GPBP1L1: variants seen among roughly 807,000 people sequenced by gnomAD.
The protein encoded by GPBP1L1 is GC-rich promoter binding protein 1 like 1.
Under a neutral mutation model 52.5 loss-of-function variants are expected in GPBP1L1, and 23 were observed. The ratio of observed to expected loss-of-function variants is 0.44; its 90% confidence interval spans 0.32 to 0.62. The LOEUF is 0.62. GPBP1L1 is among the 20% of genes least tolerant of loss of function. The probability of loss-of-function intolerance (pLI) is 0.06; values close to 1 mark genes in which losing one functional copy is unlikely to be tolerated. For synonymous variants in GPBP1L1, 243 were observed against 203.1 expected, an observed-to-expected ratio of 1.20 and a Z score of -1.67; for missense variants, 596 against 579.3, an observed-to-expected ratio of 1.03 and a Z score of -0.30.
At chr1:45,672,589 A>C (rs1389467664) in intron 2 of GPBP1L1, among the ~76,000 whole-genome samples, 3 of 152,212 alleles carry the variant, frequency 2.0e-5, no homozygotes, top group Non-Finnish European at 4.4e-5. Context: ...TGTTAAGTAG[A>C]TAGCTGGATA....
chr1:45,655,281 T>G lies in GPBP1L1; in HGVS notation c.99A>C (p.Leu33=). ...TATFEKHGEH[L]PRGEGRFGVS... ...CTCCAAATCTACCTTCTCCTCTGGG[T>G]AGGTGCTCTCCGTGTTTTTCGAAGG... The change falls in exon 5 of 13, where the codon CTA becomes CTC. Residue 33 remains leucine (L), a synonymous_variant. Transcript: ENST00000355105. The G allele has an allele frequency of 6.2e-7, 1 of 1,613,948 alleles. No homozygotes were observed. Among genetic ancestry groups the G allele is most frequent in the South Asian group, 1.1e-5 (1 of 91,080 alleles).
chr1:45,665,904 C>CCT (rs1231226135), intron 2 of GPBP1L1, among the ~76,000 whole-genome samples: 1 of 152,014 alleles, frequency 6.6e-6, no homozygotes, highest in African/African-American at 2.4e-5. Context: ...TCTGCCTCAG[C>CCT]CTCTCCTACT....
intron 2 of GPBP1L1, among the ~76,000 whole-genome samples, chr1:45,672,105 G>A (rs1645080501): frequency 6.6e-6 from 1 of 152,170 alleles, no homozygotes; most frequent in South Asian, 2.1e-4. Context: ...GCTCATGCCT[G>A]TAATCCCAGC....
intron 2 of GPBP1L1, among the ~76,000 whole-genome samples, chr1:45,666,381 GGT>G (rs1175931085): frequency 5.3e-5 from 8 of 152,022 alleles, no homozygotes; most frequent in Non-Finnish European, 1.2e-4. Flanking sequence ...CCTGACCTCA[GGT>G]GATCCGCCCG....
chr1:45,632,335 G>A (rs564984890), intron 10 of GPBP1L1, among the ~76,000 whole-genome samples: 9 of 152,164 alleles, frequency 5.9e-5, no homozygotes, highest in Admixed American at 3.3e-4. Flanking sequence ...CCTGGAAGGC[G>A]GTGGTTGCAG....
At position 45,628,415 on chromosome 1, in the gene GPBP1L1, T is replaced by A. The variant is rs765336678; in HGVS notation, c.1273-7A>T. ...CAAAGCCATTTCTTCTCAGCTATGG[T>A]TAGCATGGGAGAGAAAGAAAAAAGA... On this transcript the variant is annotated splice_polypyrimidine_tract_variant and splice_region_variant and intron_variant, in intron 12 of 12. Coordinates refer to ENST00000355105, the MANE Select transcript of GPBP1L1 (RefSeq NM_021639.5). 7.4e-6 allele frequency: 12 copies of A among 1,613,172 alleles called. No individual in the cohort carries two copies. The African/African-American group carries it at 1.5e-4, about 20-fold the overall frequency.
rs5773889 is a variant in GPBP1L1 at position 45,666,133 on chromosome 1, C to CTT, written c.-1097-4910_-1097-4909dup. 3.6e-4 allele frequency among the ~76,000 whole-genome samples: 53 copies of CTT among 146,688 alleles called. 2 individuals are homozygous for CTT. Among genetic ancestry groups the CTT allele is most frequent in the South Asian group, 2.2e-3 (10 of 4,620 alleles). On this transcript the variant is annotated intron_variant, in intron 2 of 12. Coordinates refer to ENST00000355105, the MANE Select transcript of GPBP1L1 (RefSeq NM_021639.5). ...CCTCTGAAAATGAAATCTTCAAACA[C>CTT]TTTTTTTTTTTAGACGGAGTCTTCT...
intron 9 of GPBP1L1, 61 bp from the exon 10 acceptor site, chr1:45,633,708 T>G: frequency 2.0e-6 from 3 of 1,529,372 alleles, no homozygotes; most frequent in Non-Finnish European, 2.7e-6. Flanking sequence ...GGGGTTCTCT[T>G]CTACTAAGTG....
At chr1:45,648,436 T>C (rs1411049744) in intron 6 of GPBP1L1, among the ~76,000 whole-genome samples, 3 of 152,214 alleles carry the variant, frequency 2.0e-5, no homozygotes, top group African/African-American at 7.2e-5. Context: ...GTTATTCCAT[T>C]ACGGAAAACT....
chr1:45,631,164 A>C (rs1424002032), intron 10 of GPBP1L1, among the ~76,000 whole-genome samples: 1 of 152,244 alleles, frequency 6.6e-6, no homozygotes, highest in Non-Finnish European at 1.5e-5. Flanking sequence ...TCACAGACCT[A>C]AATGTAAAAC....
intron 2 of GPBP1L1, among the ~76,000 whole-genome samples, chr1:45,678,792 G>A (rs77213609): frequency 6.6e-6 from 1 of 152,278 alleles, no homozygotes; most frequent in African/African-American, 2.4e-5. Context: ...TTTTGGATCA[G>A]CTGGAGAAAT....
rs552394206 is a variant in GPBP1L1, at chr1:45,661,525, A to G, written c.-1097-300T>C. Among the ~76,000 whole-genome samples, 9 of 150,330 alleles carry G rather than the reference A, an allele frequency of 6.0e-5. No individual in the cohort carries two copies. The South Asian group carries it at 1.7e-3, about 28-fold the overall frequency. The stretch of plus-strand genomic sequence containing the variant: ...AGCTGGAGTGCAATGTCGCCATCTC[A>G]GCTCACTGCAACCTCCACCTCCCGG... On this transcript the variant is annotated intron_variant, in intron 2 of 12. Transcript: ENST00000355105.
At position 45,642,530 on chromosome 1, in the gene GPBP1L1, C is replaced by T; in HGVS notation, c.478-31G>A. On this transcript the variant is annotated intron_variant, in intron 6 of 12. Transcript: ENST00000355105. ...AAAAAAGGGATATGAATGGTTGATA[C>T]AGAAAGCTGATCATTTTGGCACTTT... 2 of 1,564,886 alleles carry T rather than the reference C, an allele frequency of 1.3e-6. 1 individual carries two copies. Among genetic ancestry groups the T allele is most frequent in the South Asian group, 2.2e-5 (2 of 89,938 alleles).
intron 3 of GPBP1L1, among the ~76,000 whole-genome samples, chr1:45,659,496 T>C (rs144608934): frequency 5.4e-4 from 82 of 152,228 alleles, no homozygotes; most frequent in African/African-American, 1.9e-3. Flanking sequence ...CTGCGCCCAG[T>C]GAATCTGGAA....
Position 45,654,660 on chromosome 1 carries a change from C to G in GPBP1L1, c.360G>C (p.Trp120Cys), listed in dbSNP as rs1644861453. Reference protein sequence around the residue: ...SGGGTGNHRHWNGSFHSRKGC... With the variant: ...SGGGTGNHRHCNGSFHSRKGC... ...CTTTCCGGGAGTGGAAGCTGCCATT[C>G]CAATGGCGATGGTTCCCTGTGCCAC... Residue 120 changes from tryptophan (W) to cysteine (C), a missense_variant, in exon 6 of 13, where the codon TGG (tryptophan) becomes TGC (cysteine). By Grantham distance (215) the Trp-to-Cys change is radical. Transcript: ENST00000355105. The G allele has an allele frequency of 1.9e-6, 3 of 1,614,174 alleles. No homozygotes were observed. Among genetic ancestry groups the G allele is most frequent in the Non-Finnish European group, 2.5e-6 (3 of 1,180,016 alleles).
At chr1:45,658,880 T>C in intron 4 of GPBP1L1, 148 bp downstream of exon 4, 2 of 620,778 alleles carry the variant, frequency 3.2e-6, no homozygotes, top group Non-Finnish European at 5.8e-6. Context: ...AGGCCAAAGC[T>C]GCAGTAAGCT....
At chr1:45,683,569 A>C (rs937107018) in intron 2 of GPBP1L1, among the ~76,000 whole-genome samples, 14 of 149,116 alleles carry the variant, frequency 9.4e-5, no homozygotes, top group Non-Finnish European at 1.6e-4. Context: ...ACTACAAAAT[A>C]GGGTATAAAA....
At chr1:45,658,155 C>T (rs1360594987) in intron 4 of GPBP1L1, among the ~76,000 whole-genome samples, 1 of 152,148 alleles carries the variant, frequency 6.6e-6, no homozygotes, top group Non-Finnish European at 1.5e-5. Context: ...ACCCTTAATA[C>T]AACACACATC....
intron 3 of GPBP1L1, among the ~76,000 whole-genome samples, chr1:45,659,719 C>T (rs1216429521): frequency 1.3e-5 from 2 of 152,228 alleles, no homozygotes; most frequent in East Asian, 1.9e-4. Context: ...CGAGGTGGAT[C>T]GCTTGAGCCC....
Sources: allele counts gnomAD v4.1 joint callset (sites outside exome capture counted in the v4.1 genomes callset), GRCh38; gene constraint gnomAD v4.1.1; transcripts MANE v1.5; gene names NCBI Gene and HGNC (gene_info 2026-07-23, HGNC 2026-07-21).